SLC39A11: variants seen among roughly 807,000 people sequenced by gnomAD.
SLC39A11 encodes the protein zinc transporter ZIP11.
In SLC39A11, 33 loss-of-function variants were observed where a neutral mutation model predicts 36.1. That is an observed-to-expected ratio of 0.91 (90% CI 0.69 to 1.22). SLC39A11 has a LOEUF of 1.22. Among genes scored for constraint, SLC39A11 ranks in the 50% most tolerant of loss-of-function variants. The probability of loss-of-function intolerance (pLI) is 0.00; values close to 1 mark genes in which losing one functional copy is unlikely to be tolerated. For missense variants in SLC39A11, 432 were observed against 430.3 expected (o/e 1.00, Z -0.03); for synonymous variants, 166 against 170.3 (o/e 0.97, Z 0.20).
chr17:72,682,297 TC>T (rs2071542754), intron 7 of SLC39A11, among the ~76,000 whole-genome samples: 1 of 76,892 alleles, frequency 1.3e-5, no homozygotes, highest in Admixed American at 1.8e-4. Flanking sequence ...AAACCATCCC[TC>T]CCCCCACCCC....
At chr17:72,702,414 G>C (rs2072691302) in intron 7 of SLC39A11, among the ~76,000 whole-genome samples, 1 of 152,124 alleles carries the variant, frequency 6.6e-6, no homozygotes, top group African/African-American at 2.4e-5. Flanking sequence ...ACAACTAGGG[G>C]GAAGGCATCT....
chr17:73,008,089 C>T (rs143691665), intron 4 of SLC39A11, among the ~76,000 whole-genome samples: 11 of 120,856 alleles, frequency 9.1e-5, no homozygotes, highest in African/African-American at 1.9e-4. Context: ...GGTGACAGAG[C>T]GAGACTCAGT....
intron 5 of SLC39A11, among the ~76,000 whole-genome samples, chr17:72,937,931 A>G (rs2251934): frequency 0.96 from 145,531 of 152,250 alleles, 69,882 homozygotes; most frequent in East Asian, 1. Context: ...CTGCCTCCCA[A>G]CAAGCTCATG....
rs528207396 is a variant in SLC39A11 at position 72,929,166 on chromosome 17, C to A, written c.430+18586G>T. ...ATTCAAACTCCTTGGGTCCAGTGTC[C>A]TTGTGAGAGACCCATCCTGCCCTAC... On this transcript the variant is annotated intron_variant, in intron 5 of 9. Transcript: ENST00000255559. 3.9e-5 allele frequency among the ~76,000 whole-genome samples: 6 copies of A among 152,264 alleles called. No homozygotes were observed. In the East Asian group the frequency reaches 1.2e-3, roughly 29 times the overall value.
intron 4 of SLC39A11, among the ~76,000 whole-genome samples, chr17:72,969,391 A>T (rs2148024808): frequency 6.6e-6 from 1 of 152,266 alleles, no homozygotes; most frequent in South Asian, 2.1e-4. Flanking sequence ...GACCAACAGA[A>T]GAGGGACAGG....
At chr17:73,033,709 G>A (rs958610713) in intron 3 of SLC39A11, among the ~76,000 whole-genome samples, 2 of 152,156 alleles carry the variant, frequency 1.3e-5, no homozygotes, top group African/African-American at 2.4e-5. Context: ...AGTCATCGCC[G>A]ACACAGAAAA....
intron 3 of SLC39A11, among the ~76,000 whole-genome samples, chr17:73,062,033 T>A (rs894756248): frequency 6.6e-6 from 1 of 152,026 alleles, no homozygotes; most frequent in Non-Finnish European, 1.5e-5. Flanking sequence ...GTTCCATGAC[T>A]CTTCATACCA....
At chr17:72,921,691 G>A (rs148163581) in intron 5 of SLC39A11, among the ~76,000 whole-genome samples, 6 of 152,260 alleles carry the variant, frequency 3.9e-5, no homozygotes, top group African/African-American at 7.2e-5. Flanking sequence ...TTAGAGGAAC[G>A]CTAACTTACA....
At chr17:73,024,199 C>T (rs959275226) in intron 4 of SLC39A11, among the ~76,000 whole-genome samples, 7 of 152,196 alleles carry the variant, frequency 4.6e-5, no homozygotes, top group African/African-American at 1.2e-4. Flanking sequence ...AACTGTGTCC[C>T]CACACTGGAA....
chr17:72,697,209 A>G (rs955143178), intron 7 of SLC39A11, among the ~76,000 whole-genome samples: 2 of 152,158 alleles, frequency 1.3e-5, no homozygotes, highest in Non-Finnish European at 2.9e-5. Flanking sequence ...CAGCCTCCTG[A>G]GTAGTTGGGA....
intron 6 of SLC39A11, among the ~76,000 whole-genome samples, chr17:72,798,181 T>A (rs1041387010): frequency 6.6e-6 from 1 of 152,038 alleles, no homozygotes; most frequent in Non-Finnish European, 1.5e-5. Flanking sequence ...TGCCCCAGTA[T>A]ATTGAAATGT....
intron 6 of SLC39A11, among the ~76,000 whole-genome samples, chr17:72,796,654 G>A: frequency 6.6e-6 from 1 of 152,072 alleles, no homozygotes; most frequent in Non-Finnish European, 1.5e-5. Context: ...GCCCTGGAGG[G>A]GGCACGCTGT....
chr17:72,829,117 C>T (rs748777992), intron 6 of SLC39A11, among the ~76,000 whole-genome samples: 1 of 151,956 alleles, frequency 6.6e-6, no homozygotes, highest in African/African-American at 2.4e-5. Context: ...TTTGAGAGGC[C>T]GAGGTGGGAG....
intron 5 of SLC39A11, among the ~76,000 whole-genome samples, chr17:72,899,206 C>T (rs1448774408): frequency 1.3e-5 from 2 of 152,118 alleles, no homozygotes; most frequent in Non-Finnish European, 2.9e-5. Flanking sequence ...TCCATTTCCC[C>T]AGCAGCAACC....
At chr17:72,905,747 A>C (rs976463452) in intron 5 of SLC39A11, among the ~76,000 whole-genome samples, 16 of 151,626 alleles carry the variant, frequency 1.1e-4, no homozygotes, top group Non-Finnish European at 1.8e-4. Flanking sequence ...GGCATGAAGA[A>C]GAACTCAACT....
chr17:72,747,505 C>T (rs1292759323), intron 6 of SLC39A11, among the ~76,000 whole-genome samples: 2 of 152,184 alleles, frequency 1.3e-5, no homozygotes, highest in Non-Finnish European at 2.9e-5. Context: ...TGGGAAGTGT[C>T]ACTAAACTGG....
chr17:72,869,774 C>A (rs982541978), intron 5 of SLC39A11, among the ~76,000 whole-genome samples: 1 of 152,184 alleles, frequency 6.6e-6, no homozygotes, highest in African/African-American at 2.4e-5. Context: ...ATAATCCCTG[C>A]TGACATTTGA....
intron 5 of SLC39A11, among the ~76,000 whole-genome samples, chr17:72,924,355 T>G (rs2083906187): frequency 6.6e-6 from 1 of 152,054 alleles, no homozygotes; most frequent in African/African-American, 2.4e-5. Context: ...AGAAACCTGA[T>G]AAGCTCAAAG....
At chr17:72,782,324 A>T (rs2076345480) in intron 6 of SLC39A11, among the ~76,000 whole-genome samples, 1 of 152,186 alleles carries the variant, frequency 6.6e-6, no homozygotes, top group Non-Finnish European at 1.5e-5. Flanking sequence ...CCAACCCTGC[A>T]GGCAGCTTGC....
Sources: gnomAD v4.1 joint callset for allele counts (sites outside exome capture counted in the v4.1 genomes callset) on GRCh38, gnomAD v4.1.1 for gene constraint, MANE v1.5 for transcripts, NCBI Gene and HGNC (gene_info 2026-07-23, HGNC 2026-07-21) for gene names.